The following EPS8 variants were observed in gnomAD, a reference collection of about 807,000 sequenced individuals.
EPS8 encodes the protein EGFR pathway substrate 8, signaling adaptor.
A neutral mutation model predicts 103.8 loss-of-function variants in EPS8; 42 were observed. That is an observed-to-expected ratio of 0.40 (90% confidence interval 0.32 to 0.52). The LOEUF (loss-of-function observed/expected upper bound fraction) is 0.52, where lower values mean the gene tolerates loss of function less well. Among genes scored for constraint, EPS8 ranks in the 20% least tolerant of loss-of-function variants. EPS8 has a pLI of 0.40. For synonymous variants in EPS8, 344 were observed against 344.6 expected (o/e 1.00, Z 0.02); for missense variants, 969 against 1,005.1 (o/e 0.96, Z 0.49).
intron 1 of EPS8, among the ~76,000 whole-genome samples, chr12:15,705,882 A>G (rs1415365059): frequency 1.3e-5 from 2 of 152,208 alleles, no homozygotes; most frequent in African/African-American, 4.8e-5. Context: ...GAAAGACATT[A>G]AAACCCTCAA....
chr12:15,681,225 C>T lies in EPS8; in HGVS notation c.136+1G>A. 1.3e-6 allele frequency: 2 copies of T among 1,527,356 alleles called. No homozygotes were observed. The highest frequency in any genetic ancestry group is 2.3e-5 in the East Asian group (1 of 42,622). The allele number at this position is 1,527,356 out of a possible 1,614,324, so 94.6% of individuals were successfully genotyped here. A position where few individuals can be genotyped will look rare whatever the true frequency, so the allele number is the denominator to read the frequency against. The stretch of plus-strand genomic sequence containing the variant: ...ATACCCTATCAAATAAACAAACCTA[C>T]CATAAAGGGCCTTTGCACTTGTTTT... On this transcript the variant is annotated splice_donor_variant, in intron 3 of 20. Coordinates refer to ENST00000281172, the MANE Select transcript of EPS8 (RefSeq NM_004447.6). LOFTEE classifies it high-confidence loss of function.
chr12:15,706,320 G>A lies in EPS8; in HGVS notation c.-21-23348C>T, dbSNP rs1486091737. Among the ~76,000 whole-genome samples the A allele has an allele frequency of 6.6e-6, 1 of 152,280 alleles. No individual in the cohort carries two copies. Among genetic ancestry groups the A allele is most frequent in the East Asian group, 1.9e-4 (1 of 5,182 alleles). On this transcript the variant is annotated intron_variant, in intron 1 of 20. Transcript: ENST00000281172. The surrounding 1 kb of genome is among the most constrained non-coding windows in gnomAD (Gnocchi z 5.2). ...GAACCTGGGATTCAAAAGGCAAGGC[G>A]GGAAGCACTGCAGCATTGACAATGC...
Position 15,776,151 on chromosome 12 carries a change from G to A in EPS8, c.-22+13010C>T, listed in dbSNP as rs1333521211. Among the ~76,000 whole-genome samples, 1 of 152,062 alleles carries A rather than the reference G, an allele frequency of 6.6e-6. No homozygotes were observed. Among genetic ancestry groups the A allele is most frequent in the Admixed American group, 6.6e-5 (1 of 15,252 alleles). The stretch of plus-strand genomic sequence containing the variant: ...TCTTTTAAAAGAAATTTTTGCCCAA[G>A]TATTCTCCTTTCCAGTGATTGGTAT... On this transcript the variant is annotated intron_variant, in intron 1 of 20. Transcript: ENST00000281172. This position sits in a 1 kb window ranked among gnomAD's most constrained non-coding sequence, Gnocchi z 4.2.
Position 15,663,945 on chromosome 12 carries a change from AATAATATATAT to A in EPS8, c.736+1800_736+1810del, listed in dbSNP as rs1565487252. The stretch of plus-strand genomic sequence containing the variant: ...CAAAAAAAAAAAAAAAAAAAAAAAA[AATAATATATAT>A]ATATATATATATATATATATACACA... On this transcript the variant is annotated intron_variant, in intron 8 of 20. Transcript: ENST00000281172. Among the ~76,000 whole-genome samples the A allele has an allele frequency of 2.1e-3, 49 of 23,126 alleles. 2 individuals carry two copies. The highest frequency in any genetic ancestry group is 0.015 in the African/African-American group (49 of 3,338). 15.2% of individuals were successfully genotyped at this position (23,126 alleles called of 152,430 possible).
Position 15,706,833 on chromosome 12 carries a change from G to GT in EPS8, c.-21-23862dup, listed in dbSNP as rs989021893. On this transcript the variant is annotated intron_variant, in intron 1 of 20. Coordinates refer to ENST00000281172, the MANE Select transcript of EPS8 (RefSeq NM_004447.6). The surrounding 1 kb of genome is among the most constrained non-coding windows in gnomAD (Gnocchi z 5.2). Reference sequence around the variant, plus strand: ...CCTACTCTATTGTCTATGTGTACAAGTTTTTTTTCTATTTTACATACTAAC... The same window carrying GT: ...CCTACTCTATTGTCTATGTGTACAAGTTTTTTTTTCTATTTTACATACTAAC... 4.0e-5 allele frequency among the ~76,000 whole-genome samples: 6 copies of GT among 151,448 alleles called. No individual in the cohort carries two copies. The highest frequency in any genetic ancestry group is 6.8e-3 in the Middle Eastern group (2 of 294).
In EPS8 at chr12:15,773,299, C is replaced by T. The variant is rs568185997; in HGVS notation, c.-22+15862G>A. Among the ~76,000 whole-genome samples, 73 of 152,230 alleles carry T rather than the reference C, an allele frequency of 4.8e-4. 3 individuals carry two copies. The South Asian group carries it at 0.015, about 31-fold the overall frequency. Reference sequence around the variant, plus strand: ...AGGCCTGAATTATTAAAATTACATTCTAATGTTATTAATTGTGATTATTAA... The same window carrying T: ...AGGCCTGAATTATTAAAATTACATTTTAATGTTATTAATTGTGATTATTAA... On this transcript the variant is annotated intron_variant, in intron 1 of 20. Transcript: ENST00000281172.
chr12:15,739,428 G>A (rs139963179), intron 1 of EPS8, among the ~76,000 whole-genome samples: 5 of 152,080 alleles, frequency 3.3e-5, no homozygotes, highest in African/African-American at 2.4e-5. Flanking sequence ...CGTGTGAGTC[G>A]GTGGCCTGGG....
At position 15,704,040 on chromosome 12, in the gene EPS8, C is replaced by T. The variant is rs1030651274; in HGVS notation, c.-21-21068G>A. On this transcript the variant is annotated intron_variant, in intron 1 of 20. Transcript: ENST00000281172. This position sits in a 1 kb window ranked among gnomAD's most constrained non-coding sequence, Gnocchi z 4.6. The stretch of plus-strand genomic sequence containing the variant: ...ACAAGAAATCCAATGAAGCTATCTT[C>T]ATCCTATTTTAGAAAGTTCATTGTA... 2.0e-5 allele frequency among the ~76,000 whole-genome samples: 3 copies of T among 152,020 alleles called. No homozygotes were observed. Among genetic ancestry groups the T allele is most frequent in the African/African-American group, 7.2e-5 (3 of 41,392 alleles).
rs1373918680 is a variant in EPS8, at chr12:15,747,586, G to A, written c.-22+41575C>T. Among the ~76,000 whole-genome samples, 3 of 152,074 alleles carry A rather than the reference G, an allele frequency of 2.0e-5. 1 individual carries two copies. The highest frequency in any genetic ancestry group is 6.3e-3 in the Middle Eastern group (2 of 316). ...AATGATCAAAAAAGTAACTTGGGGG[G>A]AGCCCAAAACATATTTTCCTTTCCC... On this transcript the variant is annotated intron_variant, in intron 1 of 20. Transcript: ENST00000281172. The surrounding 1 kb of genome is among the most constrained non-coding windows in gnomAD (Gnocchi z 4.4).
rs369724408 is a variant in EPS8 at position 15,721,615 on chromosome 12, C to T, written c.-21-38643G>A. On this transcript the variant is annotated intron_variant, in intron 1 of 20. Transcript: ENST00000281172. The surrounding 1 kb of genome is among the most constrained non-coding windows in gnomAD (Gnocchi z 4.4). ...TCAGTTTTCCTTCTTTGGAATAGTA[C>T]ATTTTATCCTCCATTTCTTGTGAAA... Among the ~76,000 whole-genome samples the T allele has an allele frequency of 6.6e-5, 10 of 152,264 alleles. No individual in the cohort carries two copies. Among genetic ancestry groups the T allele is most frequent in the African/African-American group, 2.4e-4 (10 of 41,550 alleles).
At chr12:15,661,649 T>C (rs1040168440) in intron 9 of EPS8, among the ~76,000 whole-genome samples, 7 of 152,194 alleles carry the variant, frequency 4.6e-5, no homozygotes, top group African/African-American at 1.7e-4. Flanking sequence ...CTCTTAGGTA[T>C]TCTAAAATAC....
rs1946893093 is a variant in EPS8 at position 15,748,002 on chromosome 12, A to G, written c.-22+41159T>C. On this transcript the variant is annotated intron_variant, in intron 1 of 20. Transcript: ENST00000281172. This position sits in a 1 kb window ranked among gnomAD's most constrained non-coding sequence, Gnocchi z 4.8. ...ACCACTGCACTCCAGCCTTGGCAAC[A>G]GAGCAAGACTCCATCTCAAAATCAA... Among the ~76,000 whole-genome samples the G allele has an allele frequency of 6.6e-6, 1 of 152,130 alleles. No individual in the cohort carries two copies. The highest frequency in any genetic ancestry group is 2.4e-5 in the African/African-American group (1 of 41,384).
chr12:15,714,681 G>A lies in EPS8; in HGVS notation c.-21-31709C>T, dbSNP rs1946508804. On this transcript the variant is annotated intron_variant, in intron 1 of 20. Coordinates refer to ENST00000281172, the MANE Select transcript of EPS8 (RefSeq NM_004447.6). The surrounding 1 kb of genome is among the most constrained non-coding windows in gnomAD (Gnocchi z 4.1). The stretch of plus-strand genomic sequence containing the variant: ...CACTTAGAATAAAAAAGTGCTGCTT[G>A]TTGCCAGTGCAGTATTCTTGGGGCA... Among the ~76,000 whole-genome samples, 1 of 152,132 alleles carries A rather than the reference G, an allele frequency of 6.6e-6. No homozygotes were observed.
At position 15,767,924 on chromosome 12, in the gene EPS8, T is replaced by C. The variant is rs1947113526; in HGVS notation, c.-22+21237A>G. ...TTGGTTGTTATTTTACAAATAAAGT[T>C]TTCCATTCAATTTAGAATAATGTAA... On this transcript the variant is annotated intron_variant, in intron 1 of 20. Coordinates refer to ENST00000281172, the MANE Select transcript of EPS8 (RefSeq NM_004447.6). This position sits in a 1 kb window ranked among gnomAD's most constrained non-coding sequence, Gnocchi z 5.5. Among the ~76,000 whole-genome samples, 1 of 152,246 alleles carries C rather than the reference T, an allele frequency of 6.6e-6. No homozygotes were observed. Among genetic ancestry groups the C allele is most frequent in the Non-Finnish European group, 1.5e-5 (1 of 68,046 alleles).
intron 15 of EPS8, among the ~76,000 whole-genome samples, chr12:15,645,292 A>G (rs960897612): frequency 6.6e-6 from 1 of 152,108 alleles, no homozygotes; most frequent in African/African-American, 2.4e-5. Flanking sequence ...ACTGATACTT[A>G]TTCCTTTTCC....
rs1946067571 is a variant in EPS8, at chr12:15,684,752, C to T, written c.-21-1780G>A. On this transcript the variant is annotated intron_variant, in intron 1 of 20. Coordinates refer to ENST00000281172, the MANE Select transcript of EPS8 (RefSeq NM_004447.6). This position sits in a 1 kb window ranked among gnomAD's most constrained non-coding sequence, Gnocchi z 4.9. ...TCTTAAAAAAATGGGTAAGAATGGCCCTCAAAACACTGGACTTTAATTTAA... is the reference window on the plus strand; with the variant it reads ...TCTTAAAAAAATGGGTAAGAATGGCTCTCAAAACACTGGACTTTAATTTAA... Among the ~76,000 whole-genome samples the T allele has an allele frequency of 6.6e-6, 1 of 152,084 alleles. No homozygotes were observed. Among genetic ancestry groups the T allele is most frequent in the Admixed American group, 6.5e-5 (1 of 15,268 alleles).
At chr12:15,642,472 A>G in intron 15 of EPS8, among the ~76,000 whole-genome samples, 1 of 152,134 alleles carries the variant, frequency 6.6e-6, no homozygotes, top group East Asian at 1.9e-4. Context: ...TTTTTAAAAT[A>G]AAACTTCCTT....
rs75730427 is a variant in EPS8, at chr12:15,718,953, A to G, written c.-21-35981T>C. On this transcript the variant is annotated intron_variant, in intron 1 of 20. Transcript: ENST00000281172. ...CTTAACTCTGAAATACTGTCAGGAAATTATCACATTAGCTAGGTAGCAAGA... is the reference window on the plus strand; with the variant it reads ...CTTAACTCTGAAATACTGTCAGGAAGTTATCACATTAGCTAGGTAGCAAGA... Among the ~76,000 whole-genome samples, 422 of 152,292 alleles carry G rather than the reference A, an allele frequency of 2.8e-3. 3 individuals carry two copies. Among genetic ancestry groups the G allele is most frequent in the Non-Finnish European group, 4.4e-3 (297 of 68,010 alleles).
At chr12:15,641,685 CT>C in intron 16 of EPS8, 36 bp downstream of exon 16, 1 of 1,000,598 alleles carries the variant, frequency 1.0e-6, no homozygotes, top group Non-Finnish European at 1.5e-6. Flanking sequence ...AATAAAACTA[CT>C]TTATTAAGAG....
Sources: allele counts gnomAD v4.1 joint callset (sites outside exome capture counted in the v4.1 genomes callset), GRCh38; gene constraint gnomAD v4.1.1; non-coding constraint Gnocchi (gnomAD v3.1); transcripts MANE v1.5; gene names NCBI Gene and HGNC (gene_info 2026-07-23, HGNC 2026-07-21).